MACF1: variants seen among roughly 807,000 people sequenced by gnomAD.
MACF1 encodes the protein microtubule-actin cross-linking factor 1.
In MACF1, 193 loss-of-function variants were observed where a neutral mutation model predicts 854.8. The observed-to-expected ratio is 0.23, with a 90% CI of 0.20 to 0.25. The LOEUF is 0.25. Among genes scored for constraint, MACF1 ranks in the 10% least tolerant of loss-of-function variants. MACF1 has a pLI of 1.00. For missense variants in MACF1, 7,722 were observed against 8,929.1 expected (o/e 0.86, Z 5.45); for synonymous variants, 3,185 against 3,226.7 (o/e 0.99, Z 0.44).
chr1:39,469,056 G>T (rs1033432617), intron 96 of MACF1, among the ~76,000 whole-genome samples: 2 of 152,126 alleles, frequency 1.3e-5, no homozygotes, highest in East Asian at 1.9e-4. Flanking sequence ...AGCCCTTTAG[G>T]TTCCCTCTTA....
intron 2 of MACF1, among the ~76,000 whole-genome samples, chr1:39,108,506 GTT>G (rs778050199): frequency 5.0e-5 from 6 of 120,666 alleles, no homozygotes; most frequent in Admixed American, 8.6e-5. Flanking sequence ...ACATGAGAGG[GTT>G]TTTTTTTTTT....
At chr1:39,196,449 C>T (rs1644320854) in intron 2 of MACF1, among the ~76,000 whole-genome samples, 1 of 152,138 alleles carries the variant, frequency 6.6e-6, no homozygotes, top group Non-Finnish European at 1.5e-5. Flanking sequence ...CTCTGCCTGT[C>T]TTCAGTTAGA....
At chr1:39,319,779 A>G (rs1200485572) in intron 31 of MACF1, 32 bp downstream of exon 31, 7 of 1,477,476 alleles carry the variant, frequency 4.7e-6, no homozygotes, top group East Asian at 2.3e-5. Flanking sequence ...AAGAACATGA[A>G]TCATCACCAG....
chr1:39,157,116 T>C (rs1643706939), intron 2 of MACF1, among the ~76,000 whole-genome samples: 1 of 152,072 alleles, frequency 6.6e-6, no homozygotes, highest in African/African-American at 2.4e-5. Context: ...ACTACAGTCA[T>C]GGGACAGCAC....
chr1:39,135,576 G>A (rs940320346), intron 2 of MACF1, among the ~76,000 whole-genome samples: 2 of 152,084 alleles, frequency 1.3e-5, no homozygotes, highest in African/African-American at 4.8e-5. Context: ...TGTCTAAGGT[G>A]CGTTCAAAGG....
At chr1:39,142,735 A>T (rs189102591) in intron 2 of MACF1, among the ~76,000 whole-genome samples, 1 of 152,352 alleles carries the variant, frequency 6.6e-6, no homozygotes, top group Non-Finnish European at 1.5e-5. Context: ...CCAGGCTGAC[A>T]TGAGCCTCAG....
chr1:39,151,472 C>T (rs1327127367), intron 2 of MACF1, among the ~76,000 whole-genome samples: 2 of 152,196 alleles, frequency 1.3e-5, no homozygotes, highest in African/African-American at 2.4e-5. Flanking sequence ...GTTTCTTTAG[C>T]ATGGCATGCA....
chr1:39,385,334 C>CTGCGA (rs1388560662), intron 56 of MACF1, 100 bp from the exon 57 acceptor site: 15 of 1,329,862 alleles, frequency 1.1e-5, no homozygotes, highest in Non-Finnish European at 9.3e-6. Flanking sequence ...TCCCAAAGTG[C>CTGCGA]TGCGATTACA....
In MACF1 at chr1:39,430,777, C is replaced by T; in HGVS notation, c.17206C>T (p.Leu5736=). 2 of 1,612,392 alleles carry T rather than the reference C, an allele frequency of 1.2e-6. No individual in the cohort carries two copies. The highest frequency in any genetic ancestry group is 1.7e-6 in the Non-Finnish European group (2 of 1,179,958). ...VNEVSRALLE[L]VPWRAREGLD... is the part of the protein sequence containing the mutation. ...TGAGGTGAGCCGTGCTCTCTTAGAG[C>T]TGGTGCCCTGGAGAGCCAGAGAAGG... is the stretch of plus-strand genomic sequence containing the variant. The change falls in exon 66 of 101, where the codon CTG becomes TTG. Residue 5736 remains leucine, a synonymous_variant. Coordinates refer to ENST00000564288, the MANE Select transcript of MACF1 (RefSeq NM_001394062.1).
chr1:39,362,497 T>C (rs1648282993), intron 49 of MACF1, among the ~76,000 whole-genome samples: 1 of 152,196 alleles, frequency 6.6e-6, no homozygotes, highest in Non-Finnish European at 1.5e-5. Flanking sequence ...TATAAAAATA[T>C]AAAAGAGAGT....
chr1:39,459,267 G>A lies in MACF1; in HGVS notation c.21360+18G>A. The A allele has an allele frequency of 6.3e-7, 1 of 1,594,070 alleles. No individual in the cohort carries two copies. The highest frequency in any genetic ancestry group is 8.5e-7 in the Non-Finnish European group (1 of 1,169,914). On this transcript the variant is annotated intron_variant, in intron 91 of 100. Coordinates refer to ENST00000564288, the MANE Select transcript of MACF1 (RefSeq NM_001394062.1). Reference sequence around the variant, plus strand: ...TGGAGGAGGTAATGCCCTGCTGAGTGGCCTTCCCTGAAACAAAGTGCTTTT... The same window carrying A: ...TGGAGGAGGTAATGCCCTGCTGAGTAGCCTTCCCTGAAACAAAGTGCTTTT...
intron 58 of MACF1, chr1:39,412,933 T>C (rs759146003): frequency 9.4e-6 from 15 of 1,603,774 alleles, no homozygotes; most frequent in Admixed American, 6.9e-5. Context: ...TTCAATAGTC[T>C]CCTTAGAGGA....
At chr1:39,163,254 G>A in intron 2 of MACF1, among the ~76,000 whole-genome samples, 1 of 150,936 alleles carries the variant, frequency 6.6e-6, no homozygotes, top group Non-Finnish European at 1.5e-5. Flanking sequence ...AGGAGGCTAA[G>A]GCAGGAGAAT....
At chr1:39,416,506 A>G (rs1272247885) in intron 58 of MACF1, among the ~76,000 whole-genome samples, 1 of 152,064 alleles carries the variant, frequency 6.6e-6, no homozygotes, top group African/African-American at 2.4e-5. Context: ...AAAAAAAAAA[A>G]CAGAATATCT....
At chr1:39,203,855 A>G (rs1472366667), upstream of MACF1, among the ~76,000 whole-genome samples, 2 of 152,214 alleles carry the variant, frequency 1.3e-5, no homozygotes, top group Non-Finnish European at 1.5e-5. Flanking sequence ...GTTGATGGAC[A>G]TTTGGGTTGT....
chr1:39,095,962 A>C (rs1214528756), intron 2 of MACF1, among the ~76,000 whole-genome samples: 2 of 151,178 alleles, frequency 1.3e-5, no homozygotes, highest in East Asian at 3.9e-4. Context: ...TGAGTCTGGG[A>C]TATCAAGACC....
chr1:39,411,140 C>T (rs1278629968), intron 58 of MACF1: 2 of 1,613,734 alleles, frequency 1.2e-6, no homozygotes, highest in Non-Finnish European at 1.7e-6. Flanking sequence ...CCTCTCTCCC[C>T]TTGCCTGAGT....
chr1:39,436,132 A>G (rs916649305), intron 70 of MACF1: 5 of 405,888 alleles, frequency 1.2e-5, no homozygotes, highest in Non-Finnish European at 2.2e-5. Context: ...GAGCAACAGC[A>G]CATTAGTTTT....
intron 90 of MACF1, chr1:39,458,762 G>C: frequency 7.8e-6 from 4 of 509,750 alleles, no homozygotes; most frequent in Non-Finnish European, 1.4e-5. Context: ...AGCCCTAGCT[G>C]TTTACATTTG....
Sources: allele counts gnomAD v4.1 joint callset (sites outside exome capture counted in the v4.1 genomes callset), GRCh38; gene constraint gnomAD v4.1.1; transcripts MANE v1.5; gene names NCBI Gene and HGNC (gene_info 2026-07-23, HGNC 2026-07-21).